WASHC5: variants seen among roughly 807,000 people sequenced by gnomAD.
WASHC5 encodes WASH complex subunit 5, also known as WASH complex subunit strumpellin.
In WASHC5, 101 loss-of-function variants were observed where a neutral mutation model predicts 150.4. That is an observed-to-expected ratio of 0.67 (90% CI 0.57 to 0.79). The LOEUF (loss-of-function observed/expected upper bound fraction) is 0.79. Among genes scored for constraint, WASHC5 ranks in the 30% least tolerant of loss-of-function variants. WASHC5 has a pLI of 0.00. For synonymous variants in WASHC5, 467 were observed against 491.2 expected, an observed-to-expected ratio of 0.95 and a Z score of 0.65; for missense variants, 1,195 against 1,396.3, an observed-to-expected ratio of 0.86 and a Z score of 2.30.
chr8:125,057,876 T>A (rs1383384035), intron 14 of WASHC5, among the ~76,000 whole-genome samples: 3 of 152,136 alleles, frequency 2.0e-5, no homozygotes, highest in East Asian at 3.8e-4. Context: ...AGCTTCCGCA[T>A]GACCTGGGAA....
At position 125,049,152 on chromosome 8, in the gene WASHC5, C is replaced by T. The variant is rs1256802890; in HGVS notation, c.2233G>A (p.Gly745Arg). Residue 745 changes from glycine to arginine, a missense_variant, in exon 19 of 29, where the codon GGA becomes AGA. Gly to Arg is a moderately radical substitution (Grantham distance 125). Around this residue, in one of 3 missense-constraint regions of WASHC5, gnomAD observed 997 missense variants for 1,168.1 expected, o/e 0.85. Transcript: ENST00000318410. ...CGATGGAATCCATCCATGGTCGCTC[C>T]CAACTCTTTCAGCTTGGGCATCAAT... Reference protein sequence around the residue: ...SELMPKLKELGATMDGFHRSF... With the variant: ...SELMPKLKELRATMDGFHRSF... The T allele has an allele frequency of 6.2e-7, 1 of 1,613,966 alleles. No homozygotes were observed. The highest frequency in any genetic ancestry group is 8.5e-7 in the Non-Finnish European group (1 of 1,180,020).
At chr8:125,079,142 A>ATATATATATATAT (rs1312566224) in intron 5 of WASHC5, among the ~76,000 whole-genome samples, 5 of 108,226 alleles carry the variant, frequency 4.6e-5, no homozygotes, top group Admixed American at 1.7e-4. Flanking sequence ...ATATATATAC[A>ATATATATATATAT]TTTTTTTTTG....
intron 27 of WASHC5, among the ~76,000 whole-genome samples, chr8:125,031,569 T>C (rs943774755): frequency 6.6e-6 from 1 of 152,156 alleles, no homozygotes; most frequent in African/African-American, 2.4e-5. Flanking sequence ...CCCAGCCGCT[T>C]TGATTCGTTT....
At chr8:125,032,096 G>T in intron 27 of WASHC5, 145 bp downstream of exon 27, 1 of 909,834 alleles carries the variant, frequency 1.1e-6, no homozygotes, top group Middle Eastern at 2.4e-4. Flanking sequence ...TCTAAACAAG[G>T]AGGTATGCCC....
In WASHC5 at chr8:125,082,404, A is replaced by C. The variant is rs745676442; in HGVS notation, c.396T>G (p.Asn132Lys). The part of the protein sequence containing the change: ...IQQTLETVLL[N>K]EDGKQLLCEA... ...TTACTAGAAGTTGTTTTCCATCTTC[A>C]TTGAGAAGCACAGTTTCTAAGGTTT... Residue 132 changes from asparagine (N) to lysine (K), a missense_variant, in exon 4 of 29, where the codon AAT becomes AAG. Around this residue, in one of 3 missense-constraint regions of WASHC5, gnomAD observed 195 missense variants for 206.9 expected, o/e 0.94. Transcript: ENST00000318410. The C allele has an allele frequency of 1.9e-6, 3 of 1,575,506 alleles. No individual in the cohort carries two copies. In the South Asian group the frequency reaches 3.3e-5, roughly 17 times the overall value.
chr8:125,026,923 TG>T (rs1311246974), intron 28 of WASHC5, among the ~76,000 whole-genome samples: 2 of 152,164 alleles, frequency 1.3e-5, no homozygotes, highest in African/African-American at 4.8e-5. Context: ...AAATCTTGAT[TG>T]TAACTGCAGT....
rs552759844 is a variant in WASHC5, at chr8:125,053,009, C to T, written c.2098-2344G>A. 9.2e-5 allele frequency among the ~76,000 whole-genome samples: 14 copies of T among 152,038 alleles called. No individual in the cohort carries two copies. In the East Asian group the frequency reaches 1.9e-3, roughly 21 times the overall value. ...TATTTTATAATAAAGTATTGAATATCTCATGTAATTTATTGAATACTATAC... is the reference window on the plus strand; with the variant it reads ...TATTTTATAATAAAGTATTGAATATTTCATGTAATTTATTGAATACTATAC... On this transcript the variant is annotated intron_variant, in intron 17 of 28. Transcript: ENST00000318410.
chr8:125,088,424 C>CA (rs35452643), intron 1 of WASHC5, among the ~76,000 whole-genome samples: 427 of 76,824 alleles, frequency 5.6e-3, no homozygotes, highest in African/African-American at 9.1e-3. Flanking sequence ...GACTTCATCT[C>CA]AAAAAAAAAA....
chr8:125,046,457 G>A (rs1563615320), intron 20 of WASHC5, among the ~76,000 whole-genome samples: 1 of 152,180 alleles, frequency 6.6e-6, no homozygotes, highest in Admixed American at 6.5e-5. Flanking sequence ...TGTAGACTGT[G>A]ATTGGCTGTA....
In WASHC5 at chr8:125,073,332, A is replaced by C; in HGVS notation, c.979-8T>G. On this transcript the variant is annotated splice_polypyrimidine_tract_variant and splice_region_variant and intron_variant, in intron 8 of 28. Coordinates refer to ENST00000318410, the MANE Select transcript of WASHC5 (RefSeq NM_014846.4). ...AGTAGCATATCTGCTTGCCTTGACA[A>C]ATAAGAAACTTGAATTACATTTAAA... 1 of 1,611,454 alleles carries C rather than the reference A, an allele frequency of 6.2e-7. No homozygotes were observed. Among genetic ancestry groups the C allele is most frequent in the Middle Eastern group, 1.7e-4 (1 of 6,052 alleles).
chr8:125,063,794 T>C lies in WASHC5; in HGVS notation c.1279-143A>G. 4 of 727,384 alleles carry C rather than the reference T, an allele frequency of 5.5e-6. No homozygotes were observed. The South Asian group carries it at 6.8e-5, about 12-fold the overall frequency. The allele number at this position is 727,384 out of a possible 1,614,324, so 45.1% of individuals were successfully genotyped here. ...TAACATTGACCCTGATGTCATCTCC[T>C]CAGGCACTGATACTTTGCAGAAATT... On this transcript the variant is annotated intron_variant, in intron 10 of 28. Coordinates refer to ENST00000318410, the MANE Select transcript of WASHC5 (RefSeq NM_014846.4).
chr8:125,063,772 C>T (rs1816670327), intron 10 of WASHC5, 121 bp from the exon 11 acceptor site: 3 of 879,822 alleles, frequency 3.4e-6, no homozygotes, highest in Admixed American at 2.2e-5. Flanking sequence ...TATAAATTAA[C>T]ATTGACCCTG....
chr8:125,059,560 A>C lies in WASHC5; in HGVS notation c.1522-18T>G, dbSNP rs747045698. 1.2e-6 allele frequency: 2 copies of C among 1,605,700 alleles called. No homozygotes were observed. Among genetic ancestry groups the C allele is most frequent in the South Asian group, 2.2e-5 (2 of 90,876 alleles). On this transcript the variant is annotated intron_variant, in intron 12 of 28. Coordinates refer to ENST00000318410, the MANE Select transcript of WASHC5 (RefSeq NM_014846.4). ...TCTTGAACCTGTGTTACAGAAATAT[A>C]CTTAATTTAAAAATCCTGAATGGAC...
chr8:125,047,204 T>G lies in WASHC5; in HGVS notation c.2504+3A>C. 1 of 1,613,932 alleles carries G rather than the reference T, an allele frequency of 6.2e-7. No homozygotes were observed. Among genetic ancestry groups the G allele is most frequent in the Non-Finnish European group, 8.5e-7 (1 of 1,179,898 alleles). On this transcript the variant is annotated splice_donor_region_variant and intron_variant, in intron 20 of 28. Transcript: ENST00000318410. ...GGGCTCTGTAGAATTCAGGTACACC[T>G]ACTTTGGGTCTGTGATCCGCAGGAT... is the stretch of plus-strand genomic sequence containing the variant.
At chr8:125,074,256 C>T (rs1419009511) in intron 8 of WASHC5, among the ~76,000 whole-genome samples, 2 of 152,144 alleles carry the variant, frequency 1.3e-5, no homozygotes, top group Non-Finnish European at 2.9e-5. Context: ...ATAAAAGTGC[C>T]ACTTTCTCTA....
At chr8:125,029,723 T>C (rs917075933) in intron 27 of WASHC5, among the ~76,000 whole-genome samples, 1 of 152,252 alleles carries the variant, frequency 6.6e-6, no homozygotes. Flanking sequence ...AGAGCTAACG[T>C]TCCTTCTTGT....
rs574636847 is a variant in WASHC5 at position 125,024,497 on chromosome 8, C to T, written c.*120G>A. The T allele has an allele frequency of 1.7e-5, 13 of 767,948 alleles. No individual in the cohort carries two copies. The highest frequency in any genetic ancestry group is 1.3e-4 in the South Asian group (9 of 70,426). 47.6% of individuals were successfully genotyped at this position (767,948 alleles called of 1,614,324 possible). A position where few individuals can be genotyped will look rare whatever the true frequency, so the allele number is the denominator to read the frequency against. ...CTTACTCAGAACGTCTGATGTTTCCCATAATAGACAGAAAAAATGCAGTTG... is the reference window on the plus strand; with the variant it reads ...CTTACTCAGAACGTCTGATGTTTCCTATAATAGACAGAAAAAATGCAGTTG... On this transcript the variant is annotated 3_prime_UTR_variant, in exon 29 of 29. Transcript: ENST00000318410.
Position 125,039,769 on chromosome 8 carries a change from T to C in WASHC5, c.2954+26A>G, listed in dbSNP as rs1389827863. 2.7e-6 allele frequency: 4 copies of C among 1,468,088 alleles called. No individual in the cohort carries two copies. In the South Asian group the frequency reaches 3.4e-5, roughly 12 times the overall value. The allele number at this position is 1,468,088 out of a possible 1,614,324, so 90.9% of individuals were successfully genotyped here. A position where few individuals can be genotyped will look rare whatever the true frequency, so the allele number is the denominator to read the frequency against. ...ATAATAAACAATCCAAGCCCACGGATGGCTGTTTCAAACCCTGGCACTTAC... is the reference window on the plus strand; with the variant it reads ...ATAATAAACAATCCAAGCCCACGGACGGCTGTTTCAAACCCTGGCACTTAC... On this transcript the variant is annotated intron_variant, in intron 24 of 28. Coordinates refer to ENST00000318410, the MANE Select transcript of WASHC5 (RefSeq NM_014846.4).
chr8:125,030,308 G>A (rs558714730), intron 27 of WASHC5, among the ~76,000 whole-genome samples: 3 of 152,254 alleles, frequency 2.0e-5, no homozygotes, highest in African/African-American at 7.2e-5. Flanking sequence ...TGCTTTCCTT[G>A]CCAACTGACC....
Sources: gnomAD v4.1 joint callset for allele counts (sites outside exome capture counted in the v4.1 genomes callset) on GRCh38, gnomAD v4.1.1 for gene constraint, gnomAD v4.1.1 regional missense constraint, MANE v1.5 for transcripts, NCBI Gene and HGNC (gene_info 2026-07-23, HGNC 2026-07-21) for gene names.